The following CHIT1 variants were observed in gnomAD, a reference collection of about 807,000 sequenced individuals.
CHIT1 encodes chitinase 1.
A neutral mutation model predicts 52.0 loss-of-function variants in CHIT1; 47 were observed. That is an observed-to-expected ratio of 0.90 (90% CI 0.71 to 1.15). The LOEUF (loss-of-function observed/expected upper bound fraction) is 1.15. CHIT1 is among the 50% of genes most tolerant of loss of function. The pLI, the probability that CHIT1 is intolerant of heterozygous loss-of-function variation, is 0.00. For synonymous variants in CHIT1, 242 were observed against 228.2 expected (o/e 1.06, Z -0.54); for missense variants, 569 against 583.0 (o/e 0.98, Z 0.25).
At chr1:203,219,591 G>T in intron 8 of CHIT1, 73 bp downstream of exon 8, 1 of 1,545,648 alleles carries the variant, frequency 6.5e-7, no homozygotes, top group Non-Finnish European at 8.9e-7. Context: ...GAAACGGTGG[G>T]AGAAGGAAAC....
Position 203,227,166 on chromosome 1 carries a change from A to G in CHIT1, c.56-1296T>C, listed in dbSNP as rs149035029. On this transcript the variant is annotated intron_variant, in intron 2 of 10. Coordinates refer to ENST00000367229, the MANE Select transcript of CHIT1 (RefSeq NM_003465.3). ...GAAGAGACCGCTCAGGCAGGCCTCA[A>G]CTAGAACCCGAGAGCATGGAGGGCT... 7.7e-4 allele frequency among the ~76,000 whole-genome samples: 118 copies of G among 152,340 alleles called. 1 individual carries two copies. Among genetic ancestry groups the G allele is most frequent in the African/African-American group, 2.8e-3 (115 of 41,588 alleles).
At chr1:203,220,720 C>A (rs538171833) in intron 7 of CHIT1, among the ~76,000 whole-genome samples, 16 of 152,274 alleles carry the variant, frequency 1.1e-4, no homozygotes, top group African/African-American at 3.9e-4. Context: ...AAATATATTT[C>A]TTTTTGTCCA....
chr1:203,225,680 G>A lies in CHIT1; in HGVS notation c.246C>T (p.Gly82=), dbSNP rs1656900931. ...NDETLYQEFN[G]LKKMNPKLKT... ...CTGCTTTGGCTCACATCTTCTTCAG[G>A]CCATTGAACTCCTGGTAGAGAGTCT... Residue 82 remains glycine, a synonymous_variant, in exon 3 of 11, where the codon GGC becomes GGT. Transcript: ENST00000367229. The A allele has an allele frequency of 6.2e-7, 1 of 1,613,686 alleles. No individual in the cohort carries two copies. The highest frequency in any genetic ancestry group is 8.5e-7 in the Non-Finnish European group (1 of 1,179,728).
chr1:203,225,632 C>G (rs756822698), intron 3 of CHIT1, 37 bp downstream of exon 3: 43 of 1,600,822 alleles, frequency 2.7e-5, no homozygotes, highest in Admixed American at 3.3e-5. Context: ...GTCACCCCAC[C>G]ACATCCCACC....
chr1:203,224,947 C>T (rs1326485573), intron 4 of CHIT1, 101 bp downstream of exon 4: 3 of 1,102,688 alleles, frequency 2.7e-6, no homozygotes, highest in African/African-American at 3.1e-5. Flanking sequence ...CCCCTGACCA[C>T]ACCTCAGCCT....
chr1:203,229,291 A>G (rs1220467146), intron 1 of CHIT1, among the ~76,000 whole-genome samples: 1 of 152,164 alleles, frequency 6.6e-6, no homozygotes, highest in African/African-American at 2.4e-5. Context: ...AACATGGGAA[A>G]GACACAAAGA....
chr1:203,216,305 G>C lies in CHIT1; in HGVS notation c.*584C>G, dbSNP rs543746463. On this transcript the variant is annotated 3_prime_UTR_variant, in exon 11 of 11. Coordinates refer to ENST00000367229, the MANE Select transcript of CHIT1 (RefSeq NM_003465.3). ...TTATCTCGAAGACCCCTGAGTACCAGGGGTCTGAATTCTTAGTGTAATGCT... is the reference window on the plus strand; with the variant it reads ...TTATCTCGAAGACCCCTGAGTACCACGGGTCTGAATTCTTAGTGTAATGCT... The C allele has an allele frequency of 6.6e-5, 30 of 454,102 alleles. No individual in the cohort carries two copies. The highest frequency in any genetic ancestry group is 6.1e-4 in the Admixed American group (26 of 42,584). 28.1% of individuals were successfully genotyped at this position (454,102 alleles called of 1,614,324 possible). A position where few individuals can be genotyped will look rare whatever the true frequency, so the allele number is the denominator to read the frequency against.
At chr1:203,217,445 C>CCTCCTT in intron 10 of CHIT1, 1 of 1,396,418 alleles carries the variant, frequency 7.2e-7, no homozygotes, top group Non-Finnish European at 9.7e-7. Context: ...GGCTTTCTCC[C>CCTCCTT]AGGTAAGAGA....
At chr1:203,225,431 G>A (rs1164589807) in intron 3 of CHIT1, among the ~76,000 whole-genome samples, 2 of 152,058 alleles carry the variant, frequency 1.3e-5, no homozygotes, top group Non-Finnish European at 2.9e-5. Flanking sequence ...GAGACAGAAA[G>A]AGTCTCACAA....
Position 203,217,601 on chromosome 1 carries a change from A to C in CHIT1, c.1156+138T>G, listed in dbSNP as rs896878954. ...CAGTTTCCTTAGCTCCTGCGGGTACATGAAGCTTGGGAAATTACAGTATTG... is the reference window on the plus strand; with the variant it reads ...CAGTTTCCTTAGCTCCTGCGGGTACCTGAAGCTTGGGAAATTACAGTATTG... On this transcript the variant is annotated intron_variant, in intron 10 of 10. Coordinates refer to ENST00000367229, the MANE Select transcript of CHIT1 (RefSeq NM_003465.3). 2.3e-5 allele frequency: 33 copies of C among 1,416,420 alleles called. No individual in the cohort carries two copies. In the Middle Eastern group the frequency reaches 6.3e-4, roughly 27 times the overall value. The allele number at this position is 1,416,420 out of a possible 1,614,324, so 87.7% of individuals were successfully genotyped here.
intron 9 of CHIT1, chr1:203,218,130 G>C: frequency 6.9e-7 from 1 of 1,442,312 alleles, no homozygotes; most frequent in Non-Finnish European, 9.2e-7. Flanking sequence ...AATAGTGTCA[G>C]TTGTGTGCAC....
intron 2 of CHIT1, among the ~76,000 whole-genome samples, chr1:203,226,439 G>A (rs139108679): frequency 6.6e-6 from 1 of 152,346 alleles, no homozygotes; most frequent in East Asian, 1.9e-4. Flanking sequence ...TTCAAAAACG[G>A]TTTGGAATAC....
chr1:203,220,595 C>T (rs945352894), intron 7 of CHIT1, among the ~76,000 whole-genome samples: 3 of 152,238 alleles, frequency 2.0e-5, no homozygotes, highest in African/African-American at 7.2e-5. Context: ...AGCCTCATTC[C>T]TTAAGCCAAG....
intron 4 of CHIT1, 45 bp from the exon 5 acceptor site, chr1:203,223,705 A>G: frequency 6.3e-7 from 1 of 1,596,442 alleles, no homozygotes; most frequent in Non-Finnish European, 8.6e-7. Flanking sequence ...TGGACCAGAC[A>G]GGAGGCCACT....
At chr1:203,225,968 T>C in intron 2 of CHIT1, 98 bp from the exon 3 acceptor site, 1 of 1,284,518 alleles carries the variant, frequency 7.8e-7, no homozygotes, top group East Asian at 2.5e-5. Flanking sequence ...TGGACCTCCC[T>C]CTTCTACACC....
intron 2 of CHIT1, among the ~76,000 whole-genome samples, chr1:203,226,183 C>T (rs966614575): frequency 6.6e-6 from 1 of 152,216 alleles, no homozygotes; most frequent in African/African-American, 2.4e-5. Context: ...AGCATGGCTG[C>T]TAAGAGGGCA....
chr1:203,229,369 C>T (rs1016303280), intron 1 of CHIT1, among the ~76,000 whole-genome samples: 1 of 152,182 alleles, frequency 6.6e-6, no homozygotes, highest in Non-Finnish European at 1.5e-5. Flanking sequence ...TCATCTTCAG[C>T]CTGTTGAGAA....
rs1357931304 is a variant in CHIT1 at position 203,223,643 on chromosome 1, G to C, written c.332C>G (p.Ala111Gly). The C allele has an allele frequency of 6.2e-7, 1 of 1,614,218 alleles. No homozygotes were observed. The highest frequency in any genetic ancestry group is 8.5e-7 in the Non-Finnish European group (1 of 1,180,036). ...AAAGGTCTGACGGTTGTTGGCCGTG[G>C]CTACCATATCTGTGAACCTGTGAGG... ...FGTQKFTDMV[A>G]TANNRQTFVN... Residue 111 changes from alanine to glycine, a missense_variant, in exon 5 of 11, where the codon GCC becomes GGC. Physicochemically the swap from Ala to Gly is moderately conservative, Grantham distance 60. Transcript: ENST00000367229.
chr1:203,219,124 T>C (rs987823292), intron 9 of CHIT1, 92 bp downstream of exon 9: 1 of 788,862 alleles, frequency 1.3e-6, no homozygotes, highest in Non-Finnish European at 2.3e-6. Flanking sequence ...TAAAGGAGAC[T>C]CACCCTTGAG....
Sources: gnomAD v4.1 joint callset for allele counts (sites outside exome capture counted in the v4.1 genomes callset) on GRCh38, gnomAD v4.1.1 for gene constraint, MANE v1.5 for transcripts, NCBI Gene and HGNC (gene_info 2026-07-23, HGNC 2026-07-21) for gene names.